Variants in C9orf43 observed in about 807,000 individuals in gnomAD.
The protein encoded by C9orf43 is uncharacterized protein C9orf43.
Under a neutral mutation model 59.1 loss-of-function variants are expected in C9orf43, and 45 were observed. That is an observed-to-expected ratio of 0.76 (90% confidence interval 0.60 to 0.98). The LOEUF (loss-of-function observed/expected upper bound fraction) is 0.98. Among genes scored for constraint, C9orf43 ranks in the 50% least tolerant of loss-of-function variants. The pLI, the probability that C9orf43 is intolerant of heterozygous loss-of-function variation, is 0.00. For synonymous variants in C9orf43, 203 were observed against 196.8 expected, an observed-to-expected ratio of 1.03 and a Z score of -0.26; for missense variants, 533 against 554.9, an observed-to-expected ratio of 0.96 and a Z score of 0.40.
At position 113,428,675 on chromosome 9, in the gene C9orf43, C is replaced by T. The variant is rs550925068; in HGVS notation, c.1108-225C>T. ...ATTGTTGGAAGCCATCTTTGGAGGC[C>T]GTCTGCCCTTAGTTGACTGCAGGGA... On this transcript the variant is annotated intron_variant, in intron 12 of 13. Transcript: ENST00000374165. 2.7e-4 allele frequency among the ~76,000 whole-genome samples: 41 copies of T among 152,202 alleles called. 1 individual carries two copies. In the South Asian group the frequency reaches 8.1e-3, roughly 30 times the overall value.
intron 1 of C9orf43, among the ~76,000 whole-genome samples, chr9:113,412,665 C>T (rs940016575): frequency 6.6e-6 from 1 of 152,148 alleles, no homozygotes; most frequent in East Asian, 1.9e-4. Context: ...GATTCCCTGC[C>T]TTCTGCTTAT....
Position 113,428,185 on chromosome 9 carries a change from C to T in C9orf43, c.1069C>T (p.Gln357Ter), listed in dbSNP as rs1317868785. ...GCCAGGTCAGAACAGTGACATGAAG[C>T]AGCAGCAGCAGATGGAAAAAGGAAC... ...TLPGQNSDMK[Q>*]QQQMEKGTTS... is the part of the protein sequence containing the mutation. Residue 357 changes from glutamine (Q) to a stop codon, truncating the protein, a stop_gained, in exon 12 of 14, where the codon CAG becomes TAG. Transcript: ENST00000374165. LOFTEE classifies it high-confidence loss of function. The T allele has an allele frequency of 1.9e-6, 3 of 1,613,668 alleles. No individual in the cohort carries two copies. Among genetic ancestry groups the T allele is most frequent in the Non-Finnish European group, 2.5e-6 (3 of 1,179,618 alleles).
rs763827480 is a variant in C9orf43 at position 113,424,314 on chromosome 9, G to A, written c.805G>A (p.Glu269Lys). The change falls in exon 8 of 14, where the codon GAA (glutamate) becomes AAA (lysine). Residue 269 changes from glutamate (E) to lysine (K), a missense_variant and splice_region_variant. Glu to Lys is a moderately conservative substitution (Grantham distance 56). Transcript: ENST00000374165. The part of the protein sequence containing the change: ...MFLSIHRLTL[E>K]RPALRYPERL... ...TCTATCTATACACCGCCTCACCCTG[G>A]AAGTAAGAGCTAGGAAACAGCAGGG... 29 of 1,604,656 alleles carry A rather than the reference G, an allele frequency of 1.8e-5. No homozygotes were observed. Among genetic ancestry groups the A allele is most frequent in the South Asian group, 1.6e-4 (14 of 89,464 alleles).
chr9:113,421,171 G>C lies in C9orf43; in HGVS notation c.414G>C (p.Leu138Phe), dbSNP rs1247806431. ...CPEDVRNMVV[L>F]WIPEETEIHV... ...AAGATGTTAGAAATATGGTTGTATT[G>C]TGGATCCCAGAAGAAACAGAGATAC... The change falls in exon 5 of 14, where the codon TTG becomes TTC. Residue 138 changes from leucine (L) to phenylalanine (F), a missense_variant. By Grantham distance (22) the Leu-to-Phe change is conservative. Coordinates refer to ENST00000374165, the MANE Select transcript of C9orf43 (RefSeq NM_001278629.2). 6.2e-7 allele frequency: 1 copy of C among 1,613,360 alleles called. No homozygotes were observed. The highest frequency in any genetic ancestry group is 1.7e-5 in the Admixed American group (1 of 59,980).
chr9:113,427,252 C>G (rs1423940024), intron 11 of C9orf43, among the ~76,000 whole-genome samples: 2 of 150,972 alleles, frequency 1.3e-5, no homozygotes, highest in African/African-American at 4.9e-5. Context: ...TCACCACAAC[C>G]TCTGCCTTCT....
chr9:113,415,205 G>A (rs569077341), intron 3 of C9orf43, among the ~76,000 whole-genome samples: 3 of 151,776 alleles, frequency 2.0e-5, no homozygotes, highest in South Asian at 2.1e-4. Context: ...GTACAGTGTC[G>A]TGATCTCGGC....
intron 3 of C9orf43, among the ~76,000 whole-genome samples, chr9:113,418,338 T>C (rs1277618818): frequency 6.6e-6 from 1 of 152,248 alleles, no homozygotes; most frequent in African/African-American, 2.4e-5. Flanking sequence ...CTTTTGTGTC[T>C]GGCTTATTTC....
rs866292730 is a variant in C9orf43 at position 113,424,218 on chromosome 9, T to A, written c.709T>A (p.Leu237Met). ...TMLCPEMKIK[L>M]AMMKKNLPLE... Reference sequence around the variant, plus strand: ...GCTCTGTCCAGAGATGAAGATAAAATTGGCCATGATGAAAAAGAATCTTCC... The same window carrying A: ...GCTCTGTCCAGAGATGAAGATAAAAATGGCCATGATGAAAAAGAATCTTCC... Residue 237 changes from leucine to methionine, a missense_variant, in exon 8 of 14, where the codon TTG (leucine) becomes ATG (methionine). Physicochemically the swap from Leu to Met is conservative, Grantham distance 15. Transcript: ENST00000374165. The A allele has an allele frequency of 2.5e-6, 4 of 1,613,882 alleles. No homozygotes were observed. In the African/African-American group the frequency reaches 4.0e-5, roughly 16 times the overall value.
At chr9:113,424,404 C>A in intron 8 of C9orf43, 88 bp downstream of exon 8, 1 of 1,387,066 alleles carries the variant, frequency 7.2e-7, no homozygotes, top group South Asian at 1.4e-5. Context: ...CATTCTATTC[C>A]TTATCTCCCT....
At chr9:113,414,011 G>A in intron 3 of C9orf43, 117 bp downstream of exon 3, 2 of 1,132,456 alleles carry the variant, frequency 1.8e-6, no homozygotes, top group Non-Finnish European at 2.5e-6. Context: ...TACCAATTGG[G>A]TTAAAGAAGT....
At chr9:113,418,344 A>G (rs1312890728) in intron 3 of C9orf43, among the ~76,000 whole-genome samples, 1 of 152,154 alleles carries the variant, frequency 6.6e-6, no homozygotes, top group Non-Finnish European at 1.5e-5. Flanking sequence ...TGTCTGGCTT[A>G]TTTCACATAG....
At chr9:113,419,841 A>G (rs1828501062) in intron 4 of C9orf43, among the ~76,000 whole-genome samples, 1 of 152,228 alleles carries the variant, frequency 6.6e-6, no homozygotes, top group South Asian at 2.1e-4. Context: ...AGTTAGGGGT[A>G]GAGCTAAATT....
chr9:113,424,269 G>T lies in C9orf43; in HGVS notation c.760G>T (p.Val254Leu). 6.2e-7 allele frequency: 1 copy of T among 1,613,998 alleles called. No individual in the cohort carries two copies. The highest frequency in any genetic ancestry group is 8.5e-7 in the Non-Finnish European group (1 of 1,179,956). ...LPLEKNRPDS[V>L]ISSKMFLSIH... ...CTTGGAAAAGAACCGACCTGACAGT[G>T]TGATTTCTTCTAAGATGTTTCTATC... The change falls in exon 8 of 14, where the codon GTG becomes TTG. Residue 254 changes from valine (V) to leucine (L), a missense_variant. Val to Leu is a conservative substitution (Grantham distance 32). Transcript: ENST00000374165.
intron 7 of C9orf43, 99 bp downstream of exon 7, chr9:113,423,597 G>A (rs1564411338): frequency 1.7e-6 from 2 of 1,151,578 alleles, no homozygotes; most frequent in African/African-American, 3.1e-5. Flanking sequence ...AGGACTGGGA[G>A]AAAACTATCA....
chr9:113,426,759 C>A (rs565118102), intron 11 of C9orf43, among the ~76,000 whole-genome samples: 2 of 152,196 alleles, frequency 1.3e-5, no homozygotes, highest in Non-Finnish European at 2.9e-5. Context: ...GTTCTGGTGC[C>A]TTTTGTACCC....
At position 113,420,863 on chromosome 9, in the gene C9orf43, C is replaced by G. The variant is rs113021252; in HGVS notation, c.346-240C>G. 31 of 803,238 alleles carry G rather than the reference C, an allele frequency of 3.9e-5. 1 individual carries two copies. The African/African-American group carries it at 5.6e-4, about 14-fold the overall frequency. The allele number at this position is 803,238 out of a possible 1,614,324, so 49.8% of individuals were successfully genotyped here. On this transcript the variant is annotated intron_variant, in intron 4 of 13. Coordinates refer to ENST00000374165, the MANE Select transcript of C9orf43 (RefSeq NM_001278629.2). The stretch of plus-strand genomic sequence containing the variant: ...TGGATTGGGAGTTGCTAAATGCTAC[C>G]CTAATGGCACAGGGAAGCAGGGGAG...
intron 10 of C9orf43, 47 bp downstream of exon 10, chr9:113,425,467 C>A: frequency 6.3e-7 from 1 of 1,580,490 alleles, no homozygotes; most frequent in Non-Finnish European, 8.6e-7. Flanking sequence ...AGGTCTACAG[C>A]CTGGAATGGG....
rs751461957 is a variant in C9orf43, at chr9:113,422,552, G to A, written c.450G>A (p.Gln150=). The stretch of plus-strand genomic sequence containing the variant: ...GTTTTGTTTTGTTTTTCTCCAGCCA[G>A]CATGGGAAGAAGAAAAGAAAGAACT... ...IPEETEIHVS[Q]HGKKKRKNSA... is the part of the protein sequence containing the mutation. The change falls in exon 6 of 14, where the codon CAG becomes CAA. Residue 150 remains glutamine, a synonymous_variant. Transcript: ENST00000374165. The A allele has an allele frequency of 6.2e-7, 1 of 1,613,832 alleles. No individual in the cohort carries two copies.
chr9:113,421,660 G>A (rs1828578739), intron 5 of C9orf43, among the ~76,000 whole-genome samples: 1 of 152,080 alleles, frequency 6.6e-6, no homozygotes, highest in Non-Finnish European at 1.5e-5. Flanking sequence ...AAGGCCCAAA[G>A]GCTTGCTAAT....
Sources: allele counts gnomAD v4.1 joint callset (sites outside exome capture counted in the v4.1 genomes callset), GRCh38; gene constraint gnomAD v4.1.1; transcripts MANE v1.5; gene names NCBI Gene and HGNC (gene_info 2026-07-23, HGNC 2026-07-21).